The following STK33 variants were observed in gnomAD, a reference collection of about 807,000 sequenced individuals.
The protein encoded by STK33 is serine/threonine-protein kinase 33.
In STK33, 52 loss-of-function variants were observed where a neutral mutation model predicts 58.0. That is an observed-to-expected ratio of 0.90 (90% CI 0.72 to 1.13). The LOEUF (loss-of-function observed/expected upper bound fraction) is 1.13. Among genes scored for constraint, STK33 ranks in the 50% most tolerant of loss-of-function variants. The probability of loss-of-function intolerance (pLI) is 0.00; values close to 1 mark genes in which losing one functional copy is unlikely to be tolerated. For synonymous variants in STK33, 215 were observed against 200.1 expected (o/e 1.07, Z -0.63); for missense variants, 630 against 604.2 (o/e 1.04, Z -0.45).
At chr11:8,500,960 A>C (rs1247487206) in intron 1 of STK33, among the ~76,000 whole-genome samples, 1 of 151,536 alleles carries the variant, frequency 6.6e-6, no homozygotes, top group Non-Finnish European at 1.5e-5. Flanking sequence ...CAGTCTTTTC[A>C]GCAAATGGTG....
chr11:8,440,923 G>A (rs144326282), intron 11 of STK33, among the ~76,000 whole-genome samples, 170 bp from the exon 12 acceptor site: 82 of 152,306 alleles, frequency 5.4e-4, no homozygotes, highest in African/African-American at 1.9e-3. Flanking sequence ...AACAATTGAT[G>A]TCACTGTAAC....
At chr11:8,493,047 C>A (rs1489368017) in intron 1 of STK33, among the ~76,000 whole-genome samples, 5 of 151,944 alleles carry the variant, frequency 3.3e-5, no homozygotes, top group Admixed American at 2.6e-4. Flanking sequence ...ACTAGAGAAG[C>A]AAGAGCAAAC....
the STK33 span, among the ~76,000 whole-genome samples, chr11:8,339,438 C>T: frequency 3.9e-5 from 6 of 152,328 alleles, no homozygotes; most frequent in African/African-American, 7.2e-5. Context: ...AAGTAATTGC[C>T]GACTCCGGGA....
chr11:8,548,586 T>C (rs773658646), intron 1 of STK33, among the ~76,000 whole-genome samples: 37 of 152,254 alleles, frequency 2.4e-4, no homozygotes, highest in Non-Finnish European at 5.0e-4. Flanking sequence ...CTTTTGACTA[T>C]TCAGAGTCTT....
chr11:8,488,799 T>G (rs912519620), intron 1 of STK33, among the ~76,000 whole-genome samples: 2 of 151,818 alleles, frequency 1.3e-5, no homozygotes, highest in African/African-American at 4.8e-5. Context: ...CAACAAAAAA[T>G]TATGAGATAT....
chr11:8,396,469 GT>G (rs1474218710), intron 15 of STK33, among the ~76,000 whole-genome samples: 1 of 152,194 alleles, frequency 6.6e-6, no homozygotes, highest in Admixed American at 6.5e-5. Flanking sequence ...AATCCTAAAA[GT>G]TTTTCTAAAA....
intron 1 of STK33, among the ~76,000 whole-genome samples, chr11:8,553,952 C>T (rs1213639598): frequency 1.3e-5 from 2 of 152,128 alleles, no homozygotes; most frequent in East Asian, 1.9e-4. Context: ...AGTGGGATGG[C>T]ATCCACCTAA....
At chr11:8,560,130 G>A (rs34322531) in intron 1 of STK33, among the ~76,000 whole-genome samples, 20,337 of 151,952 alleles carry the variant, frequency 0.13, 1,767 homozygotes, top group South Asian at 0.29. Context: ...TGTATACTAA[G>A]ATGAATATAT....
chr11:8,390,263 C>G (rs1015733460), downstream of STK33, among the ~76,000 whole-genome samples: 1 of 152,164 alleles, frequency 6.6e-6, no homozygotes, highest in Non-Finnish European at 1.5e-5. Flanking sequence ...TTGAAAATAA[C>G]ACCTGCGCTG....
At chr11:8,576,375 C>T (rs1465451068) in intron 1 of STK33, among the ~76,000 whole-genome samples, 10 of 152,194 alleles carry the variant, frequency 6.6e-5, no homozygotes, top group Non-Finnish European at 1.5e-4. Flanking sequence ...ACTTCATTTC[C>T]TTTTGGAACT....
chr11:8,418,556 A>G (rs552560644), intron 14 of STK33, among the ~76,000 whole-genome samples: 14 of 152,218 alleles, frequency 9.2e-5, no homozygotes, highest in African/African-American at 2.6e-4. Context: ...ATTCATGTGC[A>G]TATGTGTTTA....
At chr11:8,479,797 C>T (rs778967782) in intron 2 of STK33, among the ~76,000 whole-genome samples, 5 of 152,014 alleles carry the variant, frequency 3.3e-5, no homozygotes, top group African/African-American at 1.2e-4. Flanking sequence ...GAGCTGAGAT[C>T]GCACCACTGC....
chr11:8,442,084 A>G (rs1944831055), intron 11 of STK33, among the ~76,000 whole-genome samples: 1 of 151,862 alleles, frequency 6.6e-6, no homozygotes, highest in African/African-American at 2.4e-5. Flanking sequence ...TGACTACTAA[A>G]AGCAAATGGA....
chr11:8,439,618 T>TG (rs1372802951), intron 12 of STK33, among the ~76,000 whole-genome samples: 4 of 151,290 alleles, frequency 2.6e-5, no homozygotes, highest in African/African-American at 9.7e-5. Flanking sequence ...AATACACACA[T>TG]ACCCATACAC....
intron 1 of STK33, among the ~76,000 whole-genome samples, chr11:8,541,374 A>T (rs565137670): frequency 1.3e-5 from 2 of 152,258 alleles, no homozygotes; most frequent in African/African-American, 4.8e-5. Flanking sequence ...GAAGCAAGAT[A>T]ACTCAGTAGC....
chr11:8,547,906 A>T (rs1956050623), intron 1 of STK33, among the ~76,000 whole-genome samples: 1 of 151,938 alleles, frequency 6.6e-6, no homozygotes, highest in African/African-American at 2.4e-5. Flanking sequence ...GCAAACTATC[A>T]CAAGGACAGA....
chr11:8,483,906 G>GC (rs1321594116), intron 1 of STK33, among the ~76,000 whole-genome samples: 1 of 152,012 alleles, frequency 6.6e-6, no homozygotes, highest in Non-Finnish European at 1.5e-5. Context: ...ACACACAAAT[G>GC]CCCCTACTCC....
intron 1 of STK33, among the ~76,000 whole-genome samples, chr11:8,575,654 T>C (rs922897016): frequency 6.6e-6 from 1 of 152,128 alleles, no homozygotes; most frequent in African/African-American, 2.4e-5. Context: ...TTGAAAATTT[T>C]TGGAAGTAGT....
chr11:8,543,849 T>C (rs919543731), intron 1 of STK33, among the ~76,000 whole-genome samples: 5 of 152,166 alleles, frequency 3.3e-5, no homozygotes, highest in Non-Finnish European at 5.9e-5. Context: ...AAATATCTCA[T>C]GGACCCCATA....
Sources: allele counts gnomAD v4.1 joint callset (sites outside exome capture counted in the v4.1 genomes callset), GRCh38; gene constraint gnomAD v4.1.1; transcripts MANE v1.5; gene names NCBI Gene and HGNC (gene_info 2026-07-23, HGNC 2026-07-21).